The following SLA variants were observed in gnomAD, a reference collection of about 807,000 sequenced individuals.
The protein encoded by SLA is src-like-adapter.
In SLA, 16 loss-of-function variants were observed where a neutral mutation model predicts 30.3. That is an observed-to-expected ratio of 0.53 (90% CI 0.36 to 0.80). The LOEUF (loss-of-function observed/expected upper bound fraction) is 0.80. Among genes scored for constraint, SLA ranks in the 30% least tolerant of loss-of-function variants. The probability of loss-of-function intolerance (pLI) is 0.01; values close to 1 mark genes in which losing one functional copy is unlikely to be tolerated. For missense variants in SLA, 310 were observed against 345.2 expected (o/e 0.90, Z 0.81); for synonymous variants, 143 against 137.8 (o/e 1.04, Z -0.26).
rs894388130 is a variant in SLA, at chr8:133,047,107, C to T, written c.352+723G>A. The T allele has an allele frequency of 5.3e-5, 8 of 152,176 alleles. No individual in the cohort carries two copies. The East Asian group carries it at 9.6e-4, about 18-fold the overall frequency. 9.4% of individuals were successfully genotyped at this position (152,176 alleles called of 1,614,324 possible). On this transcript the variant is annotated intron_variant, in intron 6 of 8. Transcript: ENST00000338087. ...AAATCTCATGGTCTAGATCAGGGAG[C>T]TGAGGCTTAGAGAGAGAGAAGCAGT... is the stretch of plus-strand genomic sequence containing the variant.
At chr8:133,058,344 G>C (rs922911580) in intron 3 of SLA, among the ~76,000 whole-genome samples, 3 of 152,134 alleles carry the variant, frequency 2.0e-5, no homozygotes, top group Non-Finnish European at 1.5e-5. Flanking sequence ...GGGTGGAGGG[G>C]TGGGGAGACC....
chr8:133,063,020 G>A (rs2131351339), intron 2 of SLA, among the ~76,000 whole-genome samples: 1 of 152,316 alleles, frequency 6.6e-6, no homozygotes, highest in South Asian at 2.1e-4. Context: ...CAGCCTCCTT[G>A]TCTATCATCA....
chr8:133,062,632 G>T (rs1842529953), intron 2 of SLA, among the ~76,000 whole-genome samples: 1 of 152,126 alleles, frequency 6.6e-6, no homozygotes, highest in East Asian at 1.9e-4. Flanking sequence ...GTCCTGCACA[G>T]GCCTCGGGAA....
At chr8:133,058,713 C>G (rs1247238958) in intron 3 of SLA, among the ~76,000 whole-genome samples, 1 of 152,220 alleles carries the variant, frequency 6.6e-6, no homozygotes, top group South Asian at 2.1e-4. Context: ...CCACCCTGCA[C>G]GTTGCACGCT....
At chr8:133,082,932 G>C (rs879604413) in intron 1 of SLA, among the ~76,000 whole-genome samples, 13 of 152,198 alleles carry the variant, frequency 8.5e-5, no homozygotes, top group Non-Finnish European at 1.6e-4. Flanking sequence ...GTGTCATCCA[G>C]TTATAACCGA....
intron 1 of SLA, chr8:133,087,963 C>G (rs1303441858): frequency 6.6e-6 from 1 of 152,152 alleles, no homozygotes; most frequent in Non-Finnish European, 1.5e-5. Flanking sequence ...TTGAGTGTAC[C>G]GCAAATTCTT....
intron 2 of SLA, among the ~76,000 whole-genome samples, chr8:133,062,203 TGCC>T (rs1272545046): frequency 2.6e-5 from 4 of 152,150 alleles, no homozygotes; most frequent in Admixed American, 1.3e-4. Context: ...TCTTCATGCT[TGCC>T]CCTACCCTCC....
intron 2 of SLA, among the ~76,000 whole-genome samples, chr8:133,073,536 A>G (rs1312518424): frequency 2.0e-5 from 3 of 152,094 alleles, no homozygotes; most frequent in Admixed American, 2.0e-4. Flanking sequence ...TAATTTTTGT[A>G]TTAAATAGCA....
intron 1 of SLA, chr8:133,095,159 C>T: frequency 6.2e-7 from 1 of 1,614,232 alleles, no homozygotes; most frequent in South Asian, 1.1e-5. Context: ...GAAGTGGTGT[C>T]CTGCCTCCGC....
rs927004646 is a variant in SLA at position 133,060,646 on chromosome 8, C to G, written c.-40-446G>C. Among the ~76,000 whole-genome samples the G allele has an allele frequency of 6.6e-5, 10 of 152,298 alleles. No homozygotes were observed. In the East Asian group the frequency reaches 1.9e-3, roughly 29 times the overall value. On this transcript the variant is annotated intron_variant, in intron 2 of 8. Coordinates refer to ENST00000338087, the MANE Select transcript of SLA (RefSeq NM_001045556.3). Reference sequence around the variant, plus strand: ...AGGCATGAGGAGAAGGTACTTTCTGCTGCTACTTTTTGTCATCCTTTTGAG... The same window carrying G: ...AGGCATGAGGAGAAGGTACTTTCTGGTGCTACTTTTTGTCATCCTTTTGAG...
chr8:133,077,515 C>G (rs1045665041), intron 1 of SLA, among the ~76,000 whole-genome samples: 1 of 152,244 alleles, frequency 6.6e-6, no homozygotes, highest in African/African-American at 2.4e-5. Context: ...GAAAGTGTTC[C>G]TCATACTGGG....
intron 2 of SLA, 65 bp downstream of exon 2, chr8:133,074,788 A>G: frequency 2.2e-6 from 2 of 916,348 alleles, no homozygotes; most frequent in Non-Finnish European, 2.6e-6. Context: ...ACCCCTGCCA[A>G]CTGCGTGTTG....
At chr8:133,072,446 A>G (rs1268304843) in intron 2 of SLA, among the ~76,000 whole-genome samples, 2 of 152,152 alleles carry the variant, frequency 1.3e-5, no homozygotes, top group Admixed American at 1.3e-4. Context: ...AGATGGATAG[A>G]TGGATAGATA....
chr8:133,096,328 G>A, intron 1 of SLA: 4 of 1,614,210 alleles, frequency 2.5e-6, no homozygotes, highest in Non-Finnish European at 3.4e-6. Context: ...TGCTCATTGG[G>A]AGTTCTCAGG....
At chr8:133,080,923 C>G (rs1845647395) in intron 1 of SLA, among the ~76,000 whole-genome samples, 1 of 152,230 alleles carries the variant, frequency 6.6e-6, no homozygotes, top group South Asian at 2.1e-4. Context: ...AATGATTGCT[C>G]CCTCTCAGAA....
chr8:133,081,584 A>G (rs1845751174), intron 1 of SLA, among the ~76,000 whole-genome samples: 1 of 140,382 alleles, frequency 7.1e-6, no homozygotes, highest in African/African-American at 2.7e-5. Flanking sequence ...CTCAGGAAGA[A>G]GAAGAAAAAA....
chr8:133,073,487 G>A (rs533943196), intron 2 of SLA, among the ~76,000 whole-genome samples: 44 of 152,098 alleles, frequency 2.9e-4, no homozygotes, highest in African/African-American at 8.0e-4. Context: ...CTCGCCTCCC[G>A]AGTAGCTGGG....
At chr8:133,086,054 C>G (rs888591738) in intron 1 of SLA, among the ~76,000 whole-genome samples, 1 of 152,202 alleles carries the variant, frequency 6.6e-6, no homozygotes, top group African/African-American at 2.4e-5. Context: ...AAGATATACA[C>G]TACTAATACC....
chr8:133,058,229 G>A (rs766308862), intron 3 of SLA, among the ~76,000 whole-genome samples: 21 of 152,268 alleles, frequency 1.4e-4, no homozygotes, highest in Non-Finnish European at 2.6e-4. Context: ...ACCAATGATC[G>A]GGGGAACGTT....
Sources: allele counts gnomAD v4.1 joint callset (sites outside exome capture counted in the v4.1 genomes callset), GRCh38; gene constraint gnomAD v4.1.1; transcripts MANE v1.5; gene names NCBI Gene and HGNC (gene_info 2026-07-23, HGNC 2026-07-21).